SAV1: variants seen among roughly 807,000 people sequenced by gnomAD.
The protein encoded by SAV1 is salvador family WW domain containing protein 1.
SAV1 carries 23 observed loss-of-function variants against 47.3 expected under a neutral mutation model. The observed-to-expected ratio is 0.49, with a 90% confidence interval of 0.35 to 0.69. SAV1 has a LOEUF of 0.69. Among genes scored for constraint, SAV1 ranks in the 30% least tolerant of loss-of-function variants. The pLI is 0.01. For synonymous variants in SAV1, 155 were observed against 159.2 expected, an observed-to-expected ratio of 0.97 and a Z score of 0.20; for missense variants, 448 against 457.4, an observed-to-expected ratio of 0.98 and a Z score of 0.19.
chr14:50,667,870 T>G lies in SAV1; in HGVS notation c.94+4A>C. ...GGTGTGGGCACGCCCCGCCTGACAC[T>G]CACTCCGAAGCAGAGGCGACGTCTC... On this transcript the variant is annotated splice_donor_region_variant and intron_variant, in intron 1 of 4. Coordinates refer to ENST00000324679, the MANE Select transcript of SAV1 (RefSeq NM_021818.4). 1 of 1,611,826 alleles carries G rather than the reference T, an allele frequency of 6.2e-7. No homozygotes were observed. The highest frequency in any genetic ancestry group is 8.5e-7 in the Non-Finnish European group (1 of 1,178,876).
chr14:50,657,074 T>A (rs1455197252), intron 2 of SAV1, among the ~76,000 whole-genome samples: 4 of 148,748 alleles, frequency 2.7e-5, no homozygotes, highest in Non-Finnish European at 5.9e-5. Context: ...TCGCCCATGC[T>A]GGAGGGCAGT....
In SAV1 at chr14:50,650,978, C is replaced by T. The variant is rs368288914; in HGVS notation, c.536-5964G>A. ...TGGAGGATGCAGTGAGCCGAGAGCG[C>T]GCCACTGCACTCAAGCCTGAGCAAC... On this transcript the variant is annotated intron_variant, in intron 2 of 4. Transcript: ENST00000324679. Among the ~76,000 whole-genome samples, 34 of 151,750 alleles carry T rather than the reference C, an allele frequency of 2.2e-4. No individual in the cohort carries two copies. The East Asian group carries it at 5.2e-3, about 23-fold the overall frequency.
chr14:50,665,701 C>T, intron 1 of SAV1, 82 bp from the exon 2 acceptor site: 1 of 1,225,712 alleles, frequency 8.2e-7, no homozygotes, highest in Non-Finnish European at 1.1e-6. Flanking sequence ...ATGTCTACCA[C>T]CCCAAAATCA....
chr14:50,644,539 G>A (rs112990382), intron 3 of SAV1, among the ~76,000 whole-genome samples: 2 of 149,868 alleles, frequency 1.3e-5, no homozygotes, highest in Non-Finnish European at 3.0e-5. Flanking sequence ...TGTTTTTGAG[G>A]TTTTTTTAAA....
rs1436469708 is a variant in SAV1, at chr14:50,644,965, A to G, written c.585T>C (p.Gly195=). Residue 195 remains glycine, a synonymous_variant, in exon 3 of 5, where the codon GGT becomes GGC. Transcript: ENST00000324679. ...CAGGAGGAAGGGGTAAATCTTCAGA[A>G]CCATGGTTAGTCAAATTTCCTAAAG... ...ATSLGNLTNH[G]SEDLPLPPGW... is the part of the protein sequence containing the mutation. 3.7e-6 allele frequency: 6 copies of G among 1,613,580 alleles called. No homozygotes were observed. The highest frequency in any genetic ancestry group is 5.1e-6 in the Non-Finnish European group (6 of 1,179,930).
intron 3 of SAV1, among the ~76,000 whole-genome samples, chr14:50,641,619 C>T (rs2039681563): frequency 6.6e-6 from 1 of 152,184 alleles, no homozygotes; most frequent in South Asian, 2.1e-4. Flanking sequence ...CTCAACATCA[C>T]TGCTTATTAG....
In SAV1 at chr14:50,665,279, C is replaced by T; in HGVS notation, c.435G>A (p.Lys145=). Residue 145 remains lysine, a synonymous_variant, in exon 2 of 5, where the codon AAG becomes AAA. Transcript: ENST00000324679. Reference sequence around the variant, plus strand: ...CATGTGCACGATCTCCAAGTGGCCGCTTTCTCTGACCATCAAAAAAATTGT... The same window carrying T: ...CATGTGCACGATCTCCAAGTGGCCGTTTTCTCTGACCATCAAAAAAATTGT... ...YSDNFFDGQR[K]RPLGDRAHED... The T allele has an allele frequency of 6.2e-7, 1 of 1,613,870 alleles. No individual in the cohort carries two copies. Among genetic ancestry groups the T allele is most frequent in the South Asian group, 1.1e-5 (1 of 91,070 alleles).
intron 2 of SAV1, among the ~76,000 whole-genome samples, chr14:50,655,429 CTTTTT>C (rs5808563): frequency 4.5e-5 from 6 of 132,692 alleles, no homozygotes; most frequent in African/African-American, 8.5e-5. Flanking sequence ...CAAAAGCTGC[CTTTTT>C]TTTTTTTTTT....
At chr14:50,647,427 C>T (rs763539655) in intron 2 of SAV1, among the ~76,000 whole-genome samples, 24 of 152,206 alleles carry the variant, frequency 1.6e-4, no homozygotes, top group Non-Finnish European at 3.2e-4. Flanking sequence ...TGCAGTGACA[C>T]GCACCTGTAG....
At chr14:50,667,393 T>G (rs752428046) in intron 1 of SAV1, 3 of 455,954 alleles carry the variant, frequency 6.6e-6, no homozygotes, top group South Asian at 3.1e-5. Flanking sequence ...TTCTCAAGTC[T>G]GCATCCGGCA....
chr14:50,665,546 G>A lies in SAV1; in HGVS notation c.168C>T (p.Ser56=). Reference sequence around the variant, plus strand: ...CTCCAGAAGTTGAAAAGGCATTAGGGCTTGAATCTGGAAGACAGATATCAG... The same window carrying A: ...CTCCAGAAGTTGAAAAGGCATTAGGACTTGAATCTGGAAGACAGATATCAG... The part of the protein sequence containing the change: ...RRTDICLPDS[S]PNAFSTSGDV... Residue 56 remains serine (S), a synonymous_variant, in exon 2 of 5, where the codon AGC becomes AGT. Transcript: ENST00000324679. 6.2e-7 allele frequency: 1 copy of A among 1,614,028 alleles called. No homozygotes were observed. Among genetic ancestry groups the A allele is most frequent in the South Asian group, 1.1e-5 (1 of 91,072 alleles).
At chr14:50,661,766 A>G (rs919118602) in intron 2 of SAV1, among the ~76,000 whole-genome samples, 4 of 152,144 alleles carry the variant, frequency 2.6e-5, no homozygotes, top group African/African-American at 9.7e-5. Context: ...TTATTTCTGC[A>G]TTACCTATTT....
At chr14:50,655,809 G>A (rs2039807463) in intron 2 of SAV1, among the ~76,000 whole-genome samples, 2 of 152,080 alleles carry the variant, frequency 1.3e-5, no homozygotes, top group African/African-American at 4.8e-5. Context: ...GCACTGGGGG[G>A]CCGAGGTGGG....
At chr14:50,637,304 A>G (rs754798176) in intron 4 of SAV1, among the ~76,000 whole-genome samples, 4 of 152,226 alleles carry the variant, frequency 2.6e-5, no homozygotes, top group Admixed American at 2.0e-4. Flanking sequence ...GAAATACTCA[A>G]TGAGCCTCCA....
At chr14:50,651,575 T>C (rs527969221) in intron 2 of SAV1, among the ~76,000 whole-genome samples, 3 of 152,334 alleles carry the variant, frequency 2.0e-5, no homozygotes, top group Non-Finnish European at 4.4e-5. Flanking sequence ...ATGAAGCAGC[T>C]AAAGCATACT....
chr14:50,646,418 G>GA lies in SAV1; in HGVS notation c.536-1405_536-1404insT, dbSNP rs145789354. Among the ~76,000 whole-genome samples the GA allele has an allele frequency of 8.6e-3, 1,312 of 152,274 alleles. 14 individuals are homozygous for GA. The highest frequency in any genetic ancestry group is 0.03 in the African/African-American group (1,229 of 41,548). ...ATAAAAATTCCGGCCGAGCGCAGTGGCTCACGCCTGTAATCCGAGCACTTT... is the reference window on the plus strand; with the variant it reads ...ATAAAAATTCCGGCCGAGCGCAGTGGACTCACGCCTGTAATCCGAGCACTTT... On this transcript the variant is annotated intron_variant, in intron 2 of 4. Transcript: ENST00000324679.
At chr14:50,650,420 C>A (rs2039758155) in intron 2 of SAV1, among the ~76,000 whole-genome samples, 1 of 152,186 alleles carries the variant, frequency 6.6e-6, no homozygotes, top group South Asian at 2.1e-4. Flanking sequence ...GGACAGTACA[C>A]CACCATATAT....
At chr14:50,644,539 G>T (rs112990382) in intron 3 of SAV1, among the ~76,000 whole-genome samples, 3 of 149,868 alleles carry the variant, frequency 2.0e-5, no homozygotes, top group Non-Finnish European at 3.0e-5. Context: ...TGTTTTTGAG[G>T]TTTTTTTAAA....
At chr14:50,653,653 G>A (rs544448075) in intron 2 of SAV1, among the ~76,000 whole-genome samples, 41 of 152,114 alleles carry the variant, frequency 2.7e-4, no homozygotes, top group African/African-American at 7.2e-4. Flanking sequence ...GGTGTATCAC[G>A]AGGTCAAGAG....
Sources: allele counts gnomAD v4.1 joint callset (sites outside exome capture counted in the v4.1 genomes callset), GRCh38; gene constraint gnomAD v4.1.1; transcripts MANE v1.5; gene names NCBI Gene and HGNC (gene_info 2026-07-23, HGNC 2026-07-21).